Variants in NCOR1 observed in about 807,000 individuals in gnomAD.
NCOR1 encodes protein phosphatase 1, regulatory subunit 109.
NCOR1 carries 63 observed loss-of-function variants against 288.1 expected under a neutral mutation model. The ratio of observed to expected loss-of-function variants is 0.22; its 90% CI spans 0.18 to 0.27. The LOEUF (loss-of-function observed/expected upper bound fraction) is 0.27, where lower values mean the gene tolerates loss of function less well. NCOR1 is among the 10% of genes least tolerant of loss of function. NCOR1 has a pLI of 1.00. For missense variants in NCOR1, 2,397 were observed against 3,019.2 expected (o/e 0.79, Z 4.83); for synonymous variants, 1,007 against 1,065.9 (o/e 0.94, Z 1.08).
At chr17:16,113,524 C>G (rs1259611408) in intron 18 of NCOR1, among the ~76,000 whole-genome samples, 3 of 152,130 alleles carry the variant, frequency 2.0e-5, no homozygotes, top group Non-Finnish European at 2.9e-5. Flanking sequence ...CAAAACTCAC[C>G]AAGTGTCACT....
At chr17:16,038,638 A>AT (rs1734418659) in intron 44 of NCOR1, among the ~76,000 whole-genome samples, 1 of 151,880 alleles carries the variant, frequency 6.6e-6, no homozygotes, top group Non-Finnish European at 1.5e-5. Flanking sequence ...GGTTTTCATC[A>AT]TGTTGCCCAG....
At position 16,158,829 on chromosome 17, in the gene NCOR1, C is replaced by G; in HGVS notation, c.663G>C (p.Lys221Asn). ...GCTCCACAGGAGGAGGGGACACGGG[C>G]TTCTCAGGCTCAGGAGGTTTAGCTG... ...EEAAKPPEPE[K>N]PVSPPPVEQK... The change falls in exon 6 of 46, where the codon AAG becomes AAC. Residue 221 changes from lysine (K) to asparagine (N), a missense_variant. Lys to Asn is a moderately conservative substitution (Grantham distance 94). Around this residue, in one of 11 missense-constraint regions of NCOR1, gnomAD observed 76 missense variants for 102.2 expected, o/e 0.74. Coordinates refer to ENST00000268712, the MANE Select transcript of NCOR1 (RefSeq NM_006311.4). 1 of 1,614,048 alleles carries G rather than the reference C, an allele frequency of 6.2e-7. No individual in the cohort carries two copies. The highest frequency in any genetic ancestry group is 8.5e-7 in the Non-Finnish European group (1 of 1,179,994).
At chr17:16,051,387 A>G (rs1034178216) in intron 40 of NCOR1, among the ~76,000 whole-genome samples, 1 of 152,198 alleles carries the variant, frequency 6.6e-6, no homozygotes, top group East Asian at 1.9e-4. Context: ...TAGAAATTCA[A>G]TAACCTGCTC....
chr17:16,087,251 C>G (rs745708330), intron 22 of NCOR1: 3 of 1,304,170 alleles, frequency 2.3e-6, no homozygotes, highest in Non-Finnish European at 2.0e-6. Context: ...AAAGCCTACA[C>G]GGTGAGGCTG....
At chr17:16,186,999 C>T (rs2086790337) in intron 2 of NCOR1, among the ~76,000 whole-genome samples, 1 of 152,030 alleles carries the variant, frequency 6.6e-6, no homozygotes, top group Non-Finnish European at 1.5e-5. Context: ...AATATGAAAT[C>T]CTAAAAAGCA....
At chr17:16,207,965 G>A (rs1391138217) in intron 1 of NCOR1, among the ~76,000 whole-genome samples, 2 of 148,460 alleles carry the variant, frequency 1.3e-5, no homozygotes, top group Non-Finnish European at 3.0e-5. Context: ...AAAACTAGTC[G>A]ATATTATTCT....
intron 27 of NCOR1, among the ~76,000 whole-genome samples, chr17:16,073,969 T>C (rs997153622): frequency 6.6e-6 from 1 of 152,178 alleles, no homozygotes; most frequent in African/African-American, 2.4e-5. Context: ...AAGCTGAGAA[T>C]GAAGGATGAA....
At chr17:16,118,229 C>G (rs1292352322) in intron 17 of NCOR1, among the ~76,000 whole-genome samples, 2 of 152,148 alleles carry the variant, frequency 1.3e-5, no homozygotes, top group African/African-American at 4.8e-5. Context: ...TTTTCCCCCT[C>G]AAATTTAAAA....
rs1054628077 is a variant in NCOR1, at chr17:16,031,754, A to C, written c.*542T>G. 7 of 230,126 alleles carry C rather than the reference A, an allele frequency of 3.0e-5. No individual in the cohort carries two copies. The highest frequency in any genetic ancestry group is 1.5e-4 in the African/African-American group (7 of 45,206). The allele number at this position is 230,126 out of a possible 1,614,324, so 14.3% of individuals were successfully genotyped here. A position where few individuals can be genotyped will look rare whatever the true frequency, so the allele number is the denominator to read the frequency against. On this transcript the variant is annotated 3_prime_UTR_variant, in exon 46 of 46. Coordinates refer to ENST00000268712, the MANE Select transcript of NCOR1 (RefSeq NM_006311.4). Reference sequence around the variant, plus strand: ...ATTTTAAACATCACTGGAAAGCTGAATTTAGAGGAAACAATATCAGATAAA... The same window carrying C: ...ATTTTAAACATCACTGGAAAGCTGACTTTAGAGGAAACAATATCAGATAAA...
chr17:16,213,320 G>A (rs1430420883), intron 1 of NCOR1, among the ~76,000 whole-genome samples: 3 of 150,658 alleles, frequency 2.0e-5, no homozygotes, highest in Non-Finnish European at 3.0e-5. Flanking sequence ...GTGAAACCCC[G>A]TCTCTACTCA....
At chr17:16,045,817 A>AT (rs2058559242) in intron 42 of NCOR1, among the ~76,000 whole-genome samples, 2 of 150,430 alleles carry the variant, frequency 1.3e-5, no homozygotes, top group African/African-American at 5.0e-5. Flanking sequence ...ATTTAAAAAA[A>AT]ATTTTTTTTT....
At chr17:16,076,631 G>C (rs1242961382) in intron 26 of NCOR1, among the ~76,000 whole-genome samples, 1 of 152,218 alleles carries the variant, frequency 6.6e-6, no homozygotes, top group African/African-American at 2.4e-5. Flanking sequence ...CTGTCTTTCT[G>C]AAGTGTCTTC....
intron 45 of NCOR1, among the ~76,000 whole-genome samples, chr17:16,033,192 G>A (rs1263409239): frequency 2.6e-5 from 4 of 151,928 alleles, no homozygotes; most frequent in East Asian, 3.9e-4. Context: ...AAAATTAGCC[G>A]GGTGTGGTGG....
chr17:16,062,813 C>T (rs1199050828), intron 35 of NCOR1, among the ~76,000 whole-genome samples: 1 of 152,188 alleles, frequency 6.6e-6, no homozygotes, highest in East Asian at 1.9e-4. Flanking sequence ...GAAATGAAAT[C>T]ATTCACATTA....
chr17:16,033,528 A>G (rs1351157773), intron 45 of NCOR1, among the ~76,000 whole-genome samples: 2 of 152,166 alleles, frequency 1.3e-5, no homozygotes, highest in African/African-American at 4.8e-5. Flanking sequence ...AAAGCCTGAT[A>G]TAATTTACAT....
rs115690181 is a variant in NCOR1 at position 16,070,599 on chromosome 17, C to T, written c.4153-74G>A. 1,580 of 1,546,502 alleles carry T rather than the reference C, an allele frequency of 1.0e-3. 18 individuals are homozygous for T. In the African/African-American group the frequency reaches 0.02, roughly 19 times the overall value. On this transcript the variant is annotated intron_variant, in intron 30 of 45. Transcript: ENST00000268712. Reference sequence around the variant, plus strand: ...TTTTCTATCTCAGGTCTATGTCTGGCCCATGGCAGTTACAGTTCACTGTGG... The same window carrying T: ...TTTTCTATCTCAGGTCTATGTCTGGTCCATGGCAGTTACAGTTCACTGTGG...
intron 28 of NCOR1, 150 bp from the exon 29 acceptor site, chr17:16,072,378 CTAA>C (rs2061858832): frequency 4.1e-6 from 2 of 490,424 alleles, no homozygotes; most frequent in East Asian, 6.6e-5. Context: ...CCAGAAGTAC[CTAA>C]TATGACATCA....
intron 4 of NCOR1, among the ~76,000 whole-genome samples, chr17:16,167,634 C>T (rs2082260436): frequency 4.0e-5 from 6 of 151,662 alleles, no homozygotes; most frequent in Admixed American, 2.0e-4. Flanking sequence ...CCGAGGCGGG[C>T]AGATCACTAG....
At chr17:16,034,395 C>A (rs529713509) in intron 45 of NCOR1, among the ~76,000 whole-genome samples, 1 of 152,034 alleles carries the variant, frequency 6.6e-6, no homozygotes, top group African/African-American at 2.4e-5. Context: ...TCGAGACCAG[C>A]CTGGGCAACG....
Sources: allele counts gnomAD v4.1 joint callset (sites outside exome capture counted in the v4.1 genomes callset), GRCh38; gene constraint gnomAD v4.1.1; regional missense constraint gnomAD v4.1.1; transcripts MANE v1.5; gene names NCBI Gene and HGNC (gene_info 2026-07-23, HGNC 2026-07-21).